SPNS2: variants seen among roughly 807,000 people sequenced by gnomAD.
SPNS2 encodes sphingosine-1-phosphate transporter SPNS2.
Under a neutral mutation model 57.6 loss-of-function variants are expected in SPNS2, and 37 were observed. The observed-to-expected ratio is 0.64, with a 90% CI of 0.49 to 0.85. SPNS2 has a LOEUF of 0.85. SPNS2 is among the 40% of genes least tolerant of loss of function. The probability of loss-of-function intolerance (pLI) is 0.00; values close to 1 mark genes in which losing one functional copy is unlikely to be tolerated. For synonymous variants in SPNS2, 440 were observed against 346.9 expected (o/e 1.27, Z -2.98); for missense variants, 831 against 779.1 (o/e 1.07, Z -0.79).
chr17:4,505,419 C>G (rs143480164), intron 1 of SPNS2, among the ~76,000 whole-genome samples: 136 of 152,282 alleles, frequency 8.9e-4, no homozygotes, highest in Non-Finnish European at 1.4e-3. Context: ...TTTGTTCTGA[C>G]CAGGGCTCAC....
At position 4,511,923 on chromosome 17, in the gene SPNS2, A is replaced by C. The variant is rs1279211298; in HGVS notation, c.371-1324A>C. Among the ~76,000 whole-genome samples, 2 of 152,088 alleles carry C rather than the reference A, an allele frequency of 1.3e-5. No individual in the cohort carries two copies. The stretch of plus-strand genomic sequence containing the variant: ...GCTGCCAGCAGGATCCTCATACAGC[A>C]CCTGGAGATTCCACTTTTTCCTACT... On this transcript the variant is annotated intron_variant, in intron 1 of 12. Transcript: ENST00000329078. This position sits in a 1 kb window ranked among gnomAD's most constrained non-coding sequence, Gnocchi z 4.6.
chr17:4,537,327 A>G, intron 12 of SPNS2, 126 bp from the exon 13 acceptor site: 1 of 408,960 alleles, frequency 2.4e-6, no homozygotes, highest in South Asian at 2.0e-5. Context: ...CACGAGACCC[A>G]GGGTCACAGC....
At chr17:4,536,001 T>C (rs1905764989) in intron 9 of SPNS2, 75 bp from the exon 10 acceptor site, 2 of 1,286,222 alleles carry the variant, frequency 1.6e-6, no homozygotes, top group Non-Finnish European at 2.2e-6. Flanking sequence ...GCTTCAGAAG[T>C]GCCACGGCCC....
chr17:4,537,079 T>C (rs1303381155), intron 12 of SPNS2, 133 bp downstream of exon 12: 20 of 1,000,312 alleles, frequency 2.0e-5, no homozygotes, highest in Non-Finnish European at 2.2e-5. Context: ...GCTTTGTCTC[T>C]GAAGATGTTG....
intron 6 of SPNS2, 101 bp downstream of exon 6, chr17:4,532,785 C>A (rs551740401): frequency 2.2e-4 from 324 of 1,479,710 alleles, no homozygotes; most frequent in Admixed American, 3.5e-4. Context: ...AGCCAGACAC[C>A]CCACCTCTGC....
chr17:4,536,368 A>G lies in SPNS2; in HGVS notation c.1549A>G (p.Met517Val), dbSNP rs756744055. Residue 517 changes from methionine (M) to valine (V), a missense_variant, in exon 11 of 13, where the codon ATG (methionine) becomes GTG (valine). This residue lies in a region of SPNS2 where 526 missense variants were observed against 400.9 expected (regional missense o/e 1.31). Transcript: ENST00000329078. ...CCCTTTCGTCGTGGTCCTGGGCGGC[A>G]TGTTCTTCCTCGCCACTGCGCTCTT... is the stretch of plus-strand genomic sequence containing the variant. The part of the protein sequence containing the change: ...LCPFVVVLGG[M>V]FFLATALFFV... The G allele has an allele frequency of 8.7e-6, 14 of 1,609,408 alleles. No individual in the cohort carries two copies. In the East Asian group the frequency reaches 3.1e-4, roughly 36 times the overall value.
chr17:4,520,499 G>A (rs1905112575), intron 2 of SPNS2, among the ~76,000 whole-genome samples: 3 of 152,078 alleles, frequency 2.0e-5, no homozygotes, highest in Admixed American at 2.0e-4. Flanking sequence ...GGGGCGGGGT[G>A]GAGAGAGCGC....
rs750431070 is a variant in SPNS2 at position 4,538,079 on chromosome 17, G to A, written c.*631G>A. ...CTGGAGGACACTGTCTCACTGTCTC[G>A]GGTTGGCTCCCAGCCTGGAGGTCCC... On this transcript the variant is annotated 3_prime_UTR_variant, in exon 13 of 13. Coordinates refer to ENST00000329078, the MANE Select transcript of SPNS2 (RefSeq NM_001124758.3). 20 of 337,126 alleles carry A rather than the reference G, an allele frequency of 5.9e-5. No individual in the cohort carries two copies. The highest frequency in any genetic ancestry group is 7.8e-4 in the Middle Eastern group (1 of 1,274). 20.9% of individuals were successfully genotyped at this position (337,126 alleles called of 1,614,324 possible). A position where few individuals can be genotyped will look rare whatever the true frequency, so the allele number is the denominator to read the frequency against.
rs1431644372 is a variant in SPNS2 at position 4,512,206 on chromosome 17, C to G, written c.371-1041C>G. On this transcript the variant is annotated intron_variant, in intron 1 of 12. Coordinates refer to ENST00000329078, the MANE Select transcript of SPNS2 (RefSeq NM_001124758.3). This position sits in a 1 kb window ranked among gnomAD's most constrained non-coding sequence, Gnocchi z 5.2. ...GGGCCATCTCCTCTTCCTTCTTCCGCTGTCCCTTCTCACTGCAGATGTGCT... is the reference window on the plus strand; with the variant it reads ...GGGCCATCTCCTCTTCCTTCTTCCGGTGTCCCTTCTCACTGCAGATGTGCT... Among the ~76,000 whole-genome samples, 2 of 152,248 alleles carry G rather than the reference C, an allele frequency of 1.3e-5. No individual in the cohort carries two copies. Among genetic ancestry groups the G allele is most frequent in the Non-Finnish European group, 2.9e-5 (2 of 68,048 alleles).
At chr17:4,519,955 C>T (rs1049411223) in intron 2 of SPNS2, among the ~76,000 whole-genome samples, 3 of 152,202 alleles carry the variant, frequency 2.0e-5, no homozygotes, top group Non-Finnish European at 2.9e-5. Context: ...GGGGGCCAGG[C>T]GGGGTCCTCC....
rs1255500132 is a variant in SPNS2 at position 4,533,389 on chromosome 17, G to A, written c.1235G>A (p.Cys412Tyr). 1.4e-5 allele frequency: 22 copies of A among 1,609,848 alleles called. No homozygotes were observed. The highest frequency in any genetic ancestry group is 2.2e-5 in the South Asian group (2 of 90,854). The change falls in exon 8 of 13, where the codon TGC (cysteine) becomes TAC (tyrosine). Residue 412 changes from cysteine (C) to tyrosine (Y), a missense_variant. Cys to Tyr is a radical substitution (Grantham distance 194, BLOSUM62 -2). Coordinates refer to ENST00000329078, the MANE Select transcript of SPNS2 (RefSeq NM_001124758.3). The stretch of plus-strand genomic sequence containing the variant: ...ATGCTGGGCTCTGCCATCTTCATCT[G>A]CCTGATCTTCGTGGCTGCCAAGAGC... ...VGMLGSAIFI[C>Y]LIFVAAKSSI...
chr17:4,538,980 A>G lies in SPNS2; in HGVS notation c.*1532A>G, dbSNP rs905917204. On this transcript the variant is annotated 3_prime_UTR_variant, in exon 13 of 13. Transcript: ENST00000329078. ...GCTGATTGTGAATCTCAGAGTCTTA[A>G]GAGAGAAGCCAAATATATTCCTCTT... The G allele has an allele frequency of 8.8e-6, 7 of 799,226 alleles. No individual in the cohort carries two copies. The highest frequency in any genetic ancestry group is 6.9e-6 in the Non-Finnish European group (3 of 434,742). 49.5% of individuals were successfully genotyped at this position (799,226 alleles called of 1,614,324 possible). A position where few individuals can be genotyped will look rare whatever the true frequency, so the allele number is the denominator to read the frequency against.
rs2144370348 is a variant in SPNS2, at chr17:4,533,371, G to T, written c.1217G>T (p.Gly406Val). 7 of 1,611,332 alleles carry T rather than the reference G, an allele frequency of 4.3e-6. No individual in the cohort carries two copies. Among genetic ancestry groups the T allele is most frequent in the Non-Finnish European group, 5.1e-6 (6 of 1,179,380 alleles). ...CTGGTGTGTGCCGTGGGCATGCTGG[G>T]CTCTGCCATCTTCATCTGCCTGATC... ...DPLVCAVGMLGSAIFICLIFV... is the reference protein window; with the variant it reads ...DPLVCAVGMLVSAIFICLIFV... The change falls in exon 8 of 13, where the codon GGC becomes GTC. Residue 406 changes from glycine to valine, a missense_variant. This residue lies in a region of SPNS2 where 526 missense variants were observed against 400.9 expected (regional missense o/e 1.31). Coordinates refer to ENST00000329078, the MANE Select transcript of SPNS2 (RefSeq NM_001124758.3).
At position 4,536,437 on chromosome 17, in the gene SPNS2, G is replaced by GC. The variant is rs1555538187; in HGVS notation, c.1607+11_1607+12insC. 6.4e-7 allele frequency: 1 copy of GC among 1,557,462 alleles called. No homozygotes were observed. The highest frequency in any genetic ancestry group is 8.6e-7 in the Non-Finnish European group (1 of 1,156,816). Reference sequence around the variant, plus strand: ...CAGGGCTGAGCAGCAGTGAGTGGGGGGGAGGGGAGGCCCTGCTGCACCGCC... The same window carrying GC: ...CAGGGCTGAGCAGCAGTGAGTGGGGGCGGAGGGGAGGCCCTGCTGCACCGCC... On this transcript the variant is annotated intron_variant, in intron 11 of 12. Coordinates refer to ENST00000329078, the MANE Select transcript of SPNS2 (RefSeq NM_001124758.3).
At chr17:4,506,404 G>T (rs1904679689) in intron 1 of SPNS2, among the ~76,000 whole-genome samples, 1 of 152,188 alleles carries the variant, frequency 6.6e-6, no homozygotes, top group Non-Finnish European at 1.5e-5. Context: ...TCACGATAAG[G>T]CTGTGGCCAC....
intron 1 of SPNS2, among the ~76,000 whole-genome samples, chr17:4,502,742 C>T (rs1035391379): frequency 3.9e-5 from 6 of 152,158 alleles, no homozygotes; most frequent in African/African-American, 1.4e-4. Context: ...GTGCCAGCTG[C>T]CTTCTCCTTC....
chr17:4,516,986 C>T (rs1314660177), intron 2 of SPNS2, among the ~76,000 whole-genome samples: 3 of 152,196 alleles, frequency 2.0e-5, no homozygotes, highest in African/African-American at 7.2e-5. Context: ...AACGAACTTC[C>T]ATAGAACACA....
intron 3 of SPNS2, among the ~76,000 whole-genome samples, chr17:4,529,490 T>C (rs921599649): frequency 6.6e-6 from 1 of 151,980 alleles, no homozygotes; most frequent in African/African-American, 2.4e-5. Flanking sequence ...CTGGCCAACA[T>C]GGCAAAACCC....
At position 4,538,756 on chromosome 17, in the gene SPNS2, C is replaced by G; in HGVS notation, c.*1308C>G. 1.4e-6 allele frequency: 1 copy of G among 717,344 alleles called. No individual in the cohort carries two copies. The highest frequency in any genetic ancestry group is 2.5e-6 in the Non-Finnish European group (1 of 399,790). 44.4% of individuals were successfully genotyped at this position (717,344 alleles called of 1,614,324 possible). A position where few individuals can be genotyped will look rare whatever the true frequency, so the allele number is the denominator to read the frequency against. ...CAGTGGTGTGTAAGCAGGTGGAATA[C>G]TCACCCACCAAGCTCTGGGGTACCC... On this transcript the variant is annotated 3_prime_UTR_variant, in exon 13 of 13. Coordinates refer to ENST00000329078, the MANE Select transcript of SPNS2 (RefSeq NM_001124758.3).
Sources: gnomAD v4.1 joint callset for allele counts (sites outside exome capture counted in the v4.1 genomes callset) on GRCh38, gnomAD v4.1.1 for gene constraint, gnomAD v4.1.1 regional missense constraint, Gnocchi (gnomAD v3.1) non-coding constraint, MANE v1.5 for transcripts, NCBI Gene and HGNC (gene_info 2026-07-23, HGNC 2026-07-21) for gene names.